The following WDR59 variants were observed in gnomAD, a reference collection of about 807,000 sequenced individuals.
WDR59 encodes WD repeat domain 59.
WDR59 carries 100 observed loss-of-function variants against 131.2 expected under a neutral mutation model. That is an observed-to-expected ratio of 0.76 (90% CI 0.65 to 0.90). The LOEUF (loss-of-function observed/expected upper bound fraction) is 0.90. WDR59 is among the 40% of genes least tolerant of loss of function. The pLI is 0.00. For missense variants in WDR59, 1,203 were observed against 1,262.2 expected (o/e 0.95, Z 0.71); for synonymous variants, 601 against 466.2 (o/e 1.29, Z -3.72).
chr16:74,931,027 G>A (rs2031342945), intron 8 of WDR59, among the ~76,000 whole-genome samples: 1 of 151,542 alleles, frequency 6.6e-6, no homozygotes, highest in African/African-American at 2.4e-5. Flanking sequence ...TAATGAAGAT[G>A]AATCCCTGGA....
chr16:74,938,606 A>C (rs2031988023), intron 7 of WDR59, among the ~76,000 whole-genome samples: 1 of 152,120 alleles, frequency 6.6e-6, no homozygotes, highest in Non-Finnish European at 1.5e-5. Context: ...GCACGATCAC[A>C]GCTCACTGCA....
Position 74,904,001 on chromosome 16 carries a change from G to A in WDR59, c.1812C>T (p.Pro604=). Residue 604 remains proline, a synonymous_variant, in exon 18 of 26, where the codon CCC becomes CCT. Transcript: ENST00000262144. ...PGNLRLYSGS[P]TRSEKEQVSI... ...AGACCTGCTCTTTCTCGCTGCGAGT[G>A]GGGCTCCCACTGTATAAACGAAGGT... The A allele has an allele frequency of 6.2e-7, 1 of 1,611,718 alleles. No homozygotes were observed. The highest frequency in any genetic ancestry group is 8.5e-7 in the Non-Finnish European group (1 of 1,179,364).
At chr16:74,939,398 G>C (rs1467313549) in intron 7 of WDR59, among the ~76,000 whole-genome samples, 4 of 151,986 alleles carry the variant, frequency 2.6e-5, no homozygotes, top group Non-Finnish European at 5.9e-5. Flanking sequence ...ATATACTACA[G>C]CTATGCGACA....
intron 7 of WDR59, among the ~76,000 whole-genome samples, chr16:74,941,111 GAGGTGGGA>G (rs1326708123): frequency 6.6e-6 from 1 of 151,914 alleles, no homozygotes; most frequent in Non-Finnish European, 1.5e-5. Context: ...TTGGGAGGCT[GAGGTGGGA>G]GGATCGCTTG....
At chr16:74,950,063 T>G (rs2032905061) in intron 4 of WDR59, 3 of 483,396 alleles carry the variant, frequency 6.2e-6, no homozygotes, top group African/African-American at 2.0e-5. Flanking sequence ...CTCTCTGGGC[T>G]GAGCGCAGCG....
At chr16:74,984,621 G>T in intron 1 of WDR59, 1 of 343,012 alleles carries the variant, frequency 2.9e-6, no homozygotes, top group Non-Finnish European at 5.5e-6. Context: ...GCCACACGCG[G>T]CTAGGGCCTC....
chr16:74,928,335 G>A (rs1449660741), intron 8 of WDR59, among the ~76,000 whole-genome samples: 2 of 150,954 alleles, frequency 1.3e-5, no homozygotes, highest in East Asian at 3.9e-4. Flanking sequence ...TGCCTCAGCA[G>A]CCTTGTGAGT....
intron 25 of WDR59, among the ~76,000 whole-genome samples, chr16:74,879,714 A>G (rs1964388650): frequency 6.6e-6 from 1 of 152,214 alleles, no homozygotes; most frequent in Non-Finnish European, 1.5e-5. Context: ...GAGAAAAAAA[A>G]ACCAAAAAAG....
Position 74,888,178 on chromosome 16 carries a change from A to T in WDR59, c.2337T>A (p.His779Gln), listed in dbSNP as rs770808575. The change falls in exon 22 of 26, where the codon CAT becomes CAA. Residue 779 changes from histidine (H) to glutamine (Q), a missense_variant. Transcript: ENST00000262144. ...AAAAGGACAAACTTACATATCGACT[A>T]TGGGACACCACAAGATTAGAAGAAC... ...PNRSSNLVVS[H>Q]SRYPSFTSSG... 16 of 1,606,140 alleles carry T rather than the reference A, an allele frequency of 1.0e-5. No individual in the cohort carries two copies. The highest frequency in any genetic ancestry group is 1.4e-5 in the Non-Finnish European group (16 of 1,177,998).
intron 3 of WDR59, among the ~76,000 whole-genome samples, chr16:74,954,927 G>C (rs991413502): frequency 6.6e-6 from 1 of 152,198 alleles, no homozygotes; most frequent in Non-Finnish European, 1.5e-5. Flanking sequence ...CATTGAGACA[G>C]AGCGCAGACT....
chr16:74,892,817 C>G (rs1178703587), intron 19 of WDR59, among the ~76,000 whole-genome samples: 1 of 152,166 alleles, frequency 6.6e-6, no homozygotes, highest in African/African-American at 2.4e-5. Context: ...GGAGGGCAGG[C>G]CATACTCAAA....
At chr16:74,954,818 G>T (rs1378648918) in intron 3 of WDR59, among the ~76,000 whole-genome samples, 1 of 152,278 alleles carries the variant, frequency 6.6e-6, no homozygotes, top group Middle Eastern at 3.4e-3. Context: ...CTATAACATG[G>T]ATGAACTTCA....
chr16:74,984,802 T>C, intron 1 of WDR59, 162 bp downstream of exon 1: 1 of 992,622 alleles, frequency 1.0e-6, no homozygotes, highest in Non-Finnish European at 1.5e-6. Flanking sequence ...ATGGTCGTCT[T>C]CCCTCCCCCG....
At position 74,902,645 on chromosome 16, in the gene WDR59, A is replaced by G. The variant is rs117757464; in HGVS notation, c.1866+1302T>C. On this transcript the variant is annotated intron_variant, in intron 18 of 25. Coordinates refer to ENST00000262144, the MANE Select transcript of WDR59 (RefSeq NM_030581.4). ...TCAGAACTGCCTCTTGGATTGAAAG[A>G]CCTCCTTGACCTGGCCCTGACACTA... Among the ~76,000 whole-genome samples, 1,061 of 152,014 alleles carry G rather than the reference A, an allele frequency of 7.0e-3. 4 individuals carry two copies. The highest frequency in any genetic ancestry group is 0.011 in the Non-Finnish European group (736 of 67,968).
rs1567675558 is a variant in WDR59, at chr16:74,872,166, A to AT, written c.*2042dup. 1 of 152,208 alleles carries AT rather than the reference A, an allele frequency of 6.6e-6. No homozygotes were observed. The allele number at this position is 152,208 out of a possible 1,614,324, so 9.4% of individuals were successfully genotyped here. ...GATCATTTTTCTCTTACACCATTTC[A>AT]TTTTTTTAAATGCTGGTTTTCCGCA... is the stretch of plus-strand genomic sequence containing the variant. On this transcript the variant is annotated 3_prime_UTR_variant, in exon 26 of 26. Transcript: ENST00000262144.
chr16:74,968,997 G>A lies in WDR59; in HGVS notation c.55-3175C>T, dbSNP rs115125252. ...CCAGAGAAAGTCAGTGCTTTGTGGG[G>A]GAAAGGAGTCTGCAATCCAAGCCCT... On this transcript the variant is annotated intron_variant, in intron 1 of 25. Coordinates refer to ENST00000262144, the MANE Select transcript of WDR59 (RefSeq NM_030581.4). Among the ~76,000 whole-genome samples the A allele has an allele frequency of 2.4e-3, 361 of 152,256 alleles. 1 individual carries two copies. The highest frequency in any genetic ancestry group is 8.4e-3 in the African/African-American group (350 of 41,564).
chr16:74,959,221 C>A, intron 2 of WDR59: 1 of 265,944 alleles, frequency 3.8e-6, no homozygotes, highest in Non-Finnish European at 7.4e-6. Context: ...CACGACTCTG[C>A]CTTTTACTCT....
At chr16:74,983,961 C>G (rs1203909392) in intron 1 of WDR59, among the ~76,000 whole-genome samples, 2 of 151,858 alleles carry the variant, frequency 1.3e-5, no homozygotes, top group Non-Finnish European at 2.9e-5. Flanking sequence ...GCCTGGGTGA[C>G]AGAGCCAGAC....
intron 1 of WDR59, among the ~76,000 whole-genome samples, chr16:74,983,983 T>A (rs960700590): frequency 6.6e-6 from 1 of 150,544 alleles, no homozygotes; most frequent in African/African-American, 2.4e-5. Context: ...CTGTCTCAAA[T>A]GAAGTAAAAT....
Sources: allele counts gnomAD v4.1 joint callset (sites outside exome capture counted in the v4.1 genomes callset), GRCh38; gene constraint gnomAD v4.1.1; transcripts MANE v1.5; gene names NCBI Gene and HGNC (gene_info 2026-07-23, HGNC 2026-07-21).